ANKS1B: variants seen among roughly 807,000 people sequenced by gnomAD.
The protein encoded by ANKS1B is ankyrin repeat and sterile alpha motif domain-containing protein 1B.
In ANKS1B, 36 loss-of-function variants were observed where a neutral mutation model predicts 148.3. The observed-to-expected ratio is 0.24, with a 90% CI of 0.19 to 0.32. The LOEUF is 0.32. ANKS1B is among the 10% of genes least tolerant of loss of function. The pLI, the probability that ANKS1B is intolerant of heterozygous loss-of-function variation, is 1.00. For synonymous variants in ANKS1B, 542 were observed against 560.8 expected, an observed-to-expected ratio of 0.97 and a Z score of 0.47; for missense variants, 1,157 against 1,542.6, an observed-to-expected ratio of 0.75 and a Z score of 4.19.
chr12:99,181,998 A>G (rs2079173957), intron 14 of ANKS1B, among the ~76,000 whole-genome samples: 1 of 152,088 alleles, frequency 6.6e-6, no homozygotes, highest in Admixed American at 6.6e-5. Flanking sequence ...CATATGTATT[A>G]GTCCATTTTC....
chr12:99,239,063 T>C (rs2088662382), intron 14 of ANKS1B, among the ~76,000 whole-genome samples: 1 of 152,280 alleles, frequency 6.6e-6, no homozygotes, highest in East Asian at 1.9e-4. Flanking sequence ...AGACAGAGAA[T>C]GAGTTTGATG....
chr12:99,208,400 G>A (rs2082933355), intron 14 of ANKS1B, among the ~76,000 whole-genome samples: 1 of 152,022 alleles, frequency 6.6e-6, no homozygotes, highest in Admixed American at 6.6e-5. Flanking sequence ...ACTAAATTAA[G>A]TCTTCTTGAC....
At chr12:99,018,511 G>A (rs543387258) in intron 17 of ANKS1B, among the ~76,000 whole-genome samples, 1 of 152,270 alleles carries the variant, frequency 6.6e-6, no homozygotes, top group African/African-American at 2.4e-5. Context: ...CAATTAGGAC[G>A]TCTTAGGTCC....
At chr12:99,087,310 G>T (rs1204332103) in intron 15 of ANKS1B, among the ~76,000 whole-genome samples, 1 of 152,186 alleles carries the variant, frequency 6.6e-6, no homozygotes, top group African/African-American at 2.4e-5. Flanking sequence ...TGGCACAACA[G>T]CTAGGGATTT....
chr12:99,663,607 GA>G, intron 8 of ANKS1B, among the ~76,000 whole-genome samples: 1 of 152,060 alleles, frequency 6.6e-6, no homozygotes, highest in East Asian at 1.9e-4. Flanking sequence ...AAAGGAAGAA[GA>G]AAAACAAGTC....
intron 10 of ANKS1B, among the ~76,000 whole-genome samples, chr12:99,445,747 G>A (rs1301090308): frequency 6.6e-6 from 1 of 151,742 alleles, no homozygotes; most frequent in Non-Finnish European, 1.5e-5. Flanking sequence ...TTGAGACAGG[G>A]TCTCACTACC....
At chr12:98,774,747 T>C (rs1391505540) in intron 24 of ANKS1B, among the ~76,000 whole-genome samples, 1 of 152,214 alleles carries the variant, frequency 6.6e-6, no homozygotes, top group Non-Finnish European at 1.5e-5. Flanking sequence ...AAGTACTTCA[T>C]GTCCCTCACT....
intron 1 of ANKS1B, 63 bp from the exon 2 acceptor site, chr12:99,825,452 A>G: frequency 2.2e-6 from 3 of 1,339,856 alleles, no homozygotes. Context: ...AAAAACAAAA[A>G]GAAGGCTGGT....
At chr12:98,832,548 G>A (rs2153697305) in intron 17 of ANKS1B, among the ~76,000 whole-genome samples, 1 of 152,156 alleles carries the variant, frequency 6.6e-6, no homozygotes, top group South Asian at 2.1e-4. Flanking sequence ...CCTCCTCTAG[G>A]TATTAGAAGC....
At chr12:99,154,966 A>C in intron 14 of ANKS1B, 1 of 1,535,384 alleles carries the variant, frequency 6.5e-7, no homozygotes, top group Non-Finnish European at 8.7e-7. Context: ...TTCCTCCTAC[A>C]CACCCATCCA....
At chr12:99,676,397 G>A (rs926613969) in intron 8 of ANKS1B, among the ~76,000 whole-genome samples, 2 of 152,058 alleles carry the variant, frequency 1.3e-5, no homozygotes, top group Admixed American at 6.5e-5. Context: ...TTTCCAAATT[G>A]TCTATAATAA....
chr12:98,787,428 C>A (rs114577636), intron 22 of ANKS1B, among the ~76,000 whole-genome samples: 2,578 of 152,246 alleles, frequency 0.017, 63 homozygotes, highest in African/African-American at 0.058. Context: ...ACTGCCCACA[C>A]CTTTCTTGAT....
intron 2 of ANKS1B, among the ~76,000 whole-genome samples, 200 bp from the exon 3 acceptor site, chr12:99,812,511 C>CCACACACACACACACA (rs10539640): frequency 2.4e-5 from 3 of 126,096 alleles, no homozygotes; most frequent in African/African-American, 9.1e-5. Context: ...TCACCCCATG[C>CCACACACACACACACA]CACACACACA....
intron 17 of ANKS1B, among the ~76,000 whole-genome samples, chr12:99,027,439 C>T (rs2099949405): frequency 1.3e-5 from 2 of 152,140 alleles, no homozygotes; most frequent in South Asian, 4.1e-4. Flanking sequence ...GTCAGAGTTC[C>T]TTAGATATCA....
chr12:99,064,320 C>T (rs2043363101), intron 16 of ANKS1B, among the ~76,000 whole-genome samples: 2 of 152,102 alleles, frequency 1.3e-5, no homozygotes, highest in African/African-American at 4.8e-5. Flanking sequence ...TTTGAAAAGT[C>T]TTAGATCATG....
At position 99,771,321 on chromosome 12, in the gene ANKS1B, A is replaced by C. The variant is rs117721922; in HGVS notation, c.1128+1601T>G. ...CAAATAATCAGGGATATTTGCTCAA[A>C]ATTTGTTTACTAATGGTACGTACAA... On this transcript the variant is annotated intron_variant, in intron 8 of 26. Transcript: ENST00000683438. 2.6e-4 allele frequency among the ~76,000 whole-genome samples: 40 copies of C among 152,152 alleles called. 1 individual carries two copies. The East Asian group carries it at 7.1e-3, about 27-fold the overall frequency.
intron 12 of ANKS1B, among the ~76,000 whole-genome samples, chr12:99,326,574 C>T (rs2086340095): frequency 6.6e-6 from 1 of 152,052 alleles, no homozygotes; most frequent in Non-Finnish European, 1.5e-5. Context: ...GTAAAAGAGA[C>T]TACATTAACA....
Position 99,850,285 on chromosome 12 carries a change from C to CTCCCTCTCTCTG in ANKS1B, c.135-24897_135-24896insCAGAGAGAGGGA, listed in dbSNP as rs71303561. Among the ~76,000 whole-genome samples the CTCCCTCTCTCTG allele has an allele frequency of 5.1e-5, 6 of 117,314 alleles. 2 individuals carry two copies. Among genetic ancestry groups the CTCCCTCTCTCTG allele is most frequent in the African/African-American group, 1.6e-4 (6 of 37,488 alleles). The allele number at this position is 117,314 out of a possible 152,430, so 77.0% of individuals were successfully genotyped here. ...GAAAACAGCAGAAGCAAGAAAGTCT[C>CTCCCTCTCTCTG]TCTCTCTCTCTCTCTCTCTCTCTCT... On this transcript the variant is annotated intron_variant, in intron 1 of 26. Coordinates refer to ENST00000683438, the MANE Select transcript of ANKS1B (RefSeq NM_001352186.2).
chr12:99,256,153 A>G (rs1286399042), intron 12 of ANKS1B, among the ~76,000 whole-genome samples: 1 of 151,858 alleles, frequency 6.6e-6, no homozygotes, highest in Non-Finnish European at 1.5e-5. Flanking sequence ...GAGAGGTTGA[A>G]GCAGGAGAAT....
Sources: allele counts gnomAD v4.1 joint callset (sites outside exome capture counted in the v4.1 genomes callset), GRCh38; gene constraint gnomAD v4.1.1; transcripts MANE v1.5; gene names NCBI Gene and HGNC (gene_info 2026-07-23, HGNC 2026-07-21).